EIF4A3: variants seen among roughly 807,000 people sequenced by gnomAD.
EIF4A3 encodes the protein eukaryotic translation initiation factor 4A3.
EIF4A3 carries 1 observed loss-of-function variant against 55.6 expected under a neutral mutation model. The ratio of observed to expected loss-of-function variants is 0.02; its 90% CI spans 0.01 to 0.09. The LOEUF (loss-of-function observed/expected upper bound fraction) is 0.09, where lower values mean the gene tolerates loss of function less well. EIF4A3 is among the 10% of genes least tolerant of loss of function. The probability of loss-of-function intolerance (pLI) is 1.00; values close to 1 mark genes in which losing one functional copy is unlikely to be tolerated. For missense variants in EIF4A3, 221 were observed against 540.7 expected, an observed-to-expected ratio of 0.41 and a Z score of 5.86; for synonymous variants, 194 against 196.3, an observed-to-expected ratio of 0.99 and a Z score of 0.10.
At chr17:80,139,896 C>G in intron 5 of EIF4A3, 112 bp downstream of exon 5, 1 of 1,527,254 alleles carries the variant, frequency 6.5e-7, no homozygotes, top group Non-Finnish European at 8.8e-7. Flanking sequence ...GCAAGTGACC[C>G]AGGTGCAAAA....
intron 11 of EIF4A3, 77 bp from the exon 12 acceptor site, chr17:80,135,583 C>A (rs754015689): frequency 5.0e-5 from 67 of 1,341,302 alleles, no homozygotes; most frequent in Non-Finnish European, 6.6e-5. Flanking sequence ...TTAACTAAAA[C>A]CTCACAACAG....
chr17:80,138,527 A>C (rs2039592023), intron 7 of EIF4A3: 1 of 454,164 alleles, frequency 2.2e-6, no homozygotes, highest in South Asian at 3.6e-5. Flanking sequence ...AAACACTGAT[A>C]AATAAATAGT....
intron 8 of EIF4A3, 39 bp downstream of exon 8, chr17:80,138,103 T>C (rs185319349): frequency 1.9e-6 from 3 of 1,591,708 alleles, no homozygotes; most frequent in East Asian, 2.3e-5. Flanking sequence ...CAATCTGCAG[T>C]TTCCCTTCAG....
rs1415684853 is a variant in EIF4A3 at position 80,139,811 on chromosome 17, C to A, written c.506-61G>T. 7 of 1,562,330 alleles carry A rather than the reference C, an allele frequency of 4.5e-6. No homozygotes were observed. In the African/African-American group the frequency reaches 9.5e-5, roughly 21 times the overall value. ...CACATCTATGAGATTTTGAAATAAT[C>A]ACACCTGAGGCTCCCAAGAAAGAGC... On this transcript the variant is annotated intron_variant, in intron 5 of 11. Transcript: ENST00000649764.
chr17:80,139,347 C>T (rs976394872), intron 6 of EIF4A3, 185 bp from the exon 7 acceptor site: 3 of 753,780 alleles, frequency 4.0e-6, no homozygotes, highest in Admixed American at 3.1e-5. Flanking sequence ...CCCCGCCCAC[C>T]GGAGTGTTAT....
chr17:80,141,721 G>T, intron 3 of EIF4A3, 61 bp downstream of exon 3: 1 of 1,521,920 alleles, frequency 6.6e-7, no homozygotes. Context: ...TGTAGTTACA[G>T]AAGAAAAAGC....
chr17:80,141,325 G>T lies in EIF4A3; in HGVS notation c.366C>A (p.Ile122=), dbSNP rs1238607154. 1 of 1,612,986 alleles carries T rather than the reference G, an allele frequency of 6.2e-7. No individual in the cohort carries two copies. The highest frequency in any genetic ancestry group is 1.7e-5 in the Admixed American group (1 of 59,988). ...LAPTRELAVQ[I]QKGLLALGDY... Reference sequence around the variant, plus strand: ...CTATCTTTAGCCATCTCACCTTCTGGATCTGCACAGCCAACTCTCTTGTGG... The same window carrying T: ...CTATCTTTAGCCATCTCACCTTCTGTATCTGCACAGCCAACTCTCTTGTGG... The change falls in exon 4 of 12, where the codon ATC becomes ATA. Residue 122 remains isoleucine (I), a synonymous_variant. Transcript: ENST00000649764.
chr17:80,140,961 A>G (rs2143993919), intron 4 of EIF4A3, among the ~76,000 whole-genome samples: 1 of 152,212 alleles, frequency 6.6e-6, no homozygotes. Context: ...ACGCCCAGCT[A>G]ATTTTTTGTA....
chr17:80,144,742 C>A (rs936910787), intron 1 of EIF4A3, among the ~76,000 whole-genome samples: 2 of 152,150 alleles, frequency 1.3e-5, no homozygotes, highest in African/African-American at 4.8e-5. Context: ...AGCATTAAGT[C>A]TGTGTGTTGC....
At chr17:80,137,972 C>T (rs577031103) in intron 8 of EIF4A3, among the ~76,000 whole-genome samples, 170 bp downstream of exon 8, 2 of 152,140 alleles carry the variant, frequency 1.3e-5, no homozygotes, top group South Asian at 4.1e-4. Flanking sequence ...GTCACAGCCA[C>T]GTCTGACCGT....
At chr17:80,139,396 A>G in intron 6 of EIF4A3, 1 of 640,066 alleles carries the variant, frequency 1.6e-6, no homozygotes, top group Non-Finnish European at 2.6e-6. Context: ...GTGCTTCTTC[A>G]ATCTGAAGTG....
At chr17:80,146,008 A>T (rs1177121785) in intron 1 of EIF4A3, among the ~76,000 whole-genome samples, 2 of 152,026 alleles carry the variant, frequency 1.3e-5, no homozygotes, top group Non-Finnish European at 2.9e-5. Flanking sequence ...GAATCTTTAA[A>T]ACTGTAAATG....
chr17:80,140,854 C>T (rs4889831), intron 4 of EIF4A3, among the ~76,000 whole-genome samples: 39,305 of 151,444 alleles, frequency 0.26, 5,233 homozygotes, highest in East Asian at 0.35. Context: ...TAGAGTACAA[C>T]GGCACAATCT....
chr17:80,134,778 G>A lies in EIF4A3; in HGVS notation c.*712C>T, dbSNP rs1233962661. Among the ~76,000 whole-genome samples the A allele has an allele frequency of 6.6e-6, 1 of 152,126 alleles. No individual in the cohort carries two copies. On this transcript the variant is annotated 3_prime_UTR_variant, in exon 12 of 12. Transcript: ENST00000649764. The stretch of plus-strand genomic sequence containing the variant: ...GGTTGTGGCTGCAATGAGTTGTGAT[G>A]GTGCCACTGCTCTTCAGCCTGGGCA...
Position 80,134,812 on chromosome 17 carries a change from A to G in EIF4A3, c.*678T>C, listed in dbSNP as rs1211876975. Reference sequence around the variant, plus strand: ...GCTCTTCAGCCTGGGCAGCAGAGCAAAACTCATCAACGATGAAACTCTTTC... The same window carrying G: ...GCTCTTCAGCCTGGGCAGCAGAGCAGAACTCATCAACGATGAAACTCTTTC... On this transcript the variant is annotated 3_prime_UTR_variant, in exon 12 of 12. Transcript: ENST00000649764. Among the ~76,000 whole-genome samples the G allele has an allele frequency of 6.6e-6, 1 of 152,152 alleles. No homozygotes were observed. Among genetic ancestry groups the G allele is most frequent in the African/African-American group, 2.4e-5 (1 of 41,430 alleles).
intron 8 of EIF4A3, 87 bp downstream of exon 8, chr17:80,138,055 C>T: frequency 6.5e-7 from 1 of 1,530,720 alleles, no homozygotes; most frequent in Non-Finnish European, 8.9e-7. Context: ...CAAACTGGCC[C>T]TTTACTGAAA....
At chr17:80,137,355 G>T in intron 9 of EIF4A3, 31 bp downstream of exon 9, 1 of 1,597,314 alleles carries the variant, frequency 6.3e-7, no homozygotes, top group South Asian at 1.1e-5. Flanking sequence ...AGCAAACCCT[G>T]ACCTGCAGAG....
Position 80,135,081 on chromosome 17 carries a change from A to G in EIF4A3, c.*409T>C, listed in dbSNP as rs2039559478. 6.4e-6 allele frequency: 1 copy of G among 155,854 alleles called. No individual in the cohort carries two copies. The highest frequency in any genetic ancestry group is 2.1e-4 in the South Asian group (1 of 4,828). 9.7% of individuals were successfully genotyped at this position (155,854 alleles called of 1,614,324 possible). On this transcript the variant is annotated 3_prime_UTR_variant, in exon 12 of 12. Transcript: ENST00000649764. Reference sequence around the variant, plus strand: ...GTAGGAGAATGGCATGAACCCAGGAAGTGGAGCTTGCGGTGAGAGGAGATC... The same window carrying G: ...GTAGGAGAATGGCATGAACCCAGGAGGTGGAGCTTGCGGTGAGAGGAGATC...
chr17:80,140,182 A>G (rs371634802), intron 4 of EIF4A3, 42 bp from the exon 5 acceptor site: 1 of 1,483,648 alleles, frequency 6.7e-7, no homozygotes, highest in East Asian at 2.5e-5. Context: ...GGGAGAGAGA[A>G]ACATCCACGT....
Sources: gnomAD v4.1 joint callset for allele counts (sites outside exome capture counted in the v4.1 genomes callset) on GRCh38, gnomAD v4.1.1 for gene constraint, MANE v1.5 for transcripts, NCBI Gene and HGNC (gene_info 2026-07-23, HGNC 2026-07-21) for gene names.